DCAF6: variants seen among roughly 807,000 people sequenced by gnomAD.
The protein encoded by DCAF6 is DDB1- and CUL4-associated factor 6.
In DCAF6, 54 loss-of-function variants were observed where a neutral mutation model predicts 125.1. The ratio of observed to expected loss-of-function variants is 0.43; its 90% CI spans 0.35 to 0.54. The LOEUF is 0.54. Ranked by LOEUF, DCAF6 falls within the 20% of genes least tolerant of loss-of-function variation. The pLI, the probability that DCAF6 is intolerant of heterozygous loss-of-function variation, is 0.01. For synonymous variants in DCAF6, 371 were observed against 390.4 expected (o/e 0.95, Z 0.58); for missense variants, 934 against 1,161.7 (o/e 0.80, Z 2.85).
intron 17 of DCAF6, among the ~76,000 whole-genome samples, chr1:168,051,522 T>C (rs1219302373): frequency 6.6e-6 from 1 of 152,210 alleles, no homozygotes; most frequent in Non-Finnish European, 1.5e-5. Context: ...ATCAGTCACC[T>C]ACTGAAAACC....
chr1:167,955,770 C>A (rs78086423), intron 2 of DCAF6, among the ~76,000 whole-genome samples: 1 of 152,202 alleles, frequency 6.6e-6, no homozygotes, highest in East Asian at 1.9e-4. Context: ...TTGTTCTGAT[C>A]TTAGAAGGAA....
intron 3 of DCAF6, among the ~76,000 whole-genome samples, chr1:167,972,084 G>T (rs1394361156): frequency 6.6e-6 from 1 of 152,182 alleles, no homozygotes; most frequent in African/African-American, 2.4e-5. Flanking sequence ...TCGAACTCCT[G>T]ACTTCAGGTG....
At chr1:167,969,035 T>C (rs979961679) in intron 3 of DCAF6, among the ~76,000 whole-genome samples, 1 of 152,150 alleles carries the variant, frequency 6.6e-6, no homozygotes, top group Admixed American at 6.5e-5. Flanking sequence ...ATGGCAAATA[T>C]AGATTTATAT....
rs1686024395 is a variant in DCAF6, at chr1:168,024,146, G to A, written c.1609+1099G>A. Reference sequence around the variant, plus strand: ...GCAGGAGGATTGCTAGAGCACAGGAGTTCAAGGATCCAGTGAGCTATGATT... The same window carrying A: ...GCAGGAGGATTGCTAGAGCACAGGAATTCAAGGATCCAGTGAGCTATGATT... On this transcript the variant is annotated intron_variant, in intron 12 of 21. Transcript: ENST00000367840. 2.7e-5 allele frequency: 4 copies of A among 150,592 alleles called. No individual in the cohort carries two copies. In the Admixed American group the frequency reaches 2.7e-4, roughly 10 times the overall value. The allele number at this position is 150,592 out of a possible 1,614,324, so 9.3% of individuals were successfully genotyped here.
the DCAF6 span, among the ~76,000 whole-genome samples, chr1:167,872,367 TA>T: frequency 0.16 from 22,970 of 141,708 alleles, 2,373 homozygotes; most frequent in African/African-American, 0.32. Flanking sequence ...TAAGGAAGCT[TA>T]AAAAAAAAAA....
At chr1:167,977,818 C>T (rs186844169) in intron 4 of DCAF6, among the ~76,000 whole-genome samples, 9 of 152,148 alleles carry the variant, frequency 5.9e-5, no homozygotes, top group Non-Finnish European at 7.4e-5. Flanking sequence ...GTACCTAAAT[C>T]CTAAGTATAT....
intron 12 of DCAF6, among the ~76,000 whole-genome samples, chr1:168,030,422 A>C (rs1686925487): frequency 6.6e-6 from 1 of 152,188 alleles, no homozygotes; most frequent in South Asian, 2.1e-4. Context: ...TAGGTTTCGC[A>C]TTTTTATTTT....
chr1:167,874,982 A>T, the DCAF6 span: 1 of 748,182 alleles, frequency 1.3e-6, no homozygotes, highest in Non-Finnish European at 2.4e-6. Context: ...ATCCTGGTGT[A>T]TTGCTATTTT....
In DCAF6 at chr1:168,075,582, G is replaced by A. The variant is rs1693707700; in HGVS notation, c.*147G>A. The A allele has an allele frequency of 3.2e-6, 2 of 629,268 alleles. No individual in the cohort carries two copies. Among genetic ancestry groups the A allele is most frequent in the African/African-American group, 3.8e-5 (2 of 52,468 alleles). 39.0% of individuals were successfully genotyped at this position (629,268 alleles called of 1,614,324 possible). On this transcript the variant is annotated 3_prime_UTR_variant, in exon 22 of 22. Coordinates refer to ENST00000367840, the MANE Select transcript of DCAF6 (RefSeq NM_001198956.2). ...TTTGGGATAACCTAACATTGGTTTG[G>A]AATGATTGTGTGCATGAATTTGGGA...
the DCAF6 span, chr1:167,902,087 T>C: frequency 1.3e-6 from 2 of 1,593,692 alleles, no homozygotes; most frequent in South Asian, 1.1e-5. Flanking sequence ...AATCAAACCC[T>C]GATTCCTTAA....
the DCAF6 span, among the ~76,000 whole-genome samples, chr1:167,903,131 C>T: frequency 1.3e-5 from 2 of 151,776 alleles, no homozygotes; most frequent in Non-Finnish European, 2.9e-5. Context: ...TGGCGCACGC[C>T]TGTAACCCCA....
intron 4 of DCAF6, among the ~76,000 whole-genome samples, chr1:167,984,965 G>A (rs560458754): frequency 1.1e-4 from 17 of 152,140 alleles, no homozygotes; most frequent in Admixed American, 2.0e-4. Context: ...GAAGGTGAAA[G>A]GTGAAAGGCA....
upstream of DCAF6, among the ~76,000 whole-genome samples, chr1:167,935,522 G>A (rs1238341372): frequency 6.6e-6 from 1 of 152,212 alleles, no homozygotes; most frequent in Admixed American, 6.5e-5. Context: ...AGGTGGGGAA[G>A]GGAGCTGACT....
chr1:168,064,145 A>G (rs1298964941), intron 18 of DCAF6, among the ~76,000 whole-genome samples: 3 of 133,780 alleles, frequency 2.2e-5, no homozygotes, highest in Non-Finnish European at 4.6e-5. Context: ...AAGGATTTGG[A>G]TCTATAAAAT....
intron 4 of DCAF6, among the ~76,000 whole-genome samples, chr1:167,979,957 C>T (rs9730237): frequency 0.078 from 11,771 of 151,860 alleles, 557 homozygotes; most frequent in Middle Eastern, 0.1. Context: ...CTGAGGAGGG[C>T]GGATCACGAG....
At chr1:167,976,541 T>G (rs1678206164) in intron 4 of DCAF6, among the ~76,000 whole-genome samples, 1 of 152,214 alleles carries the variant, frequency 6.6e-6, no homozygotes, top group African/African-American at 2.4e-5. Context: ...TCCATTGTGT[T>G]TCTGTTTCTT....
chr1:167,987,394 TA>T, intron 4 of DCAF6, 100 bp from the exon 5 acceptor site: 1 of 615,416 alleles, frequency 1.6e-6, no homozygotes, highest in Non-Finnish European at 2.9e-6. Flanking sequence ...ATGGTTTTTG[TA>T]ACCTTTACCT....
At chr1:168,060,407 A>C (rs1691444868) in intron 17 of DCAF6, among the ~76,000 whole-genome samples, 1 of 151,944 alleles carries the variant, frequency 6.6e-6, no homozygotes. Context: ...GCTGGTCTTG[A>C]ACTCCTGGGC....
intron 12 of DCAF6, among the ~76,000 whole-genome samples, chr1:168,035,842 C>T (rs996082977): frequency 6.6e-6 from 1 of 152,046 alleles, no homozygotes; most frequent in African/African-American, 2.4e-5. Context: ...GTGGGTGAAT[C>T]ACTTGAGGTC....
Sources: allele counts gnomAD v4.1 joint callset (sites outside exome capture counted in the v4.1 genomes callset), GRCh38; gene constraint gnomAD v4.1.1; transcripts MANE v1.5; gene names NCBI Gene and HGNC (gene_info 2026-07-23, HGNC 2026-07-21).